AVEN: variants seen among roughly 807,000 people sequenced by gnomAD.
The protein encoded by AVEN is apoptosis and caspase activation inhibitor, also known as cell death regulator Aven.
In AVEN, 41 loss-of-function variants were observed where a neutral mutation model predicts 38.1. The observed-to-expected ratio is 1.08, with a 90% CI of 0.84 to 1.40. AVEN has a LOEUF of 1.40. AVEN is among the 40% of genes most tolerant of loss of function. The pLI, the probability that AVEN is intolerant of heterozygous loss-of-function variation, is 0.00. For missense variants in AVEN, 605 were observed against 438.8 expected, an observed-to-expected ratio of 1.38 and a Z score of -3.38; for synonymous variants, 206 against 171.8, an observed-to-expected ratio of 1.20 and a Z score of -1.56.
chr15:34,060,581 T>C (rs1052048637), intron 5 of AVEN, among the ~76,000 whole-genome samples: 3 of 152,172 alleles, frequency 2.0e-5, no homozygotes, highest in East Asian at 3.9e-4. Flanking sequence ...TTAAGGGTCA[T>C]CAAAAAGATT....
chr15:33,907,859 A>G (rs952027104), intron 2 of AVEN, among the ~76,000 whole-genome samples: 2 of 152,134 alleles, frequency 1.3e-5, no homozygotes, highest in Non-Finnish European at 2.9e-5. Flanking sequence ...GAAGAAAAAA[A>G]TGGGTGAAAT....
intron 2 of AVEN, among the ~76,000 whole-genome samples, chr15:33,911,016 G>C (rs997391376): frequency 1.3e-5 from 2 of 152,170 alleles, no homozygotes; most frequent in Admixed American, 6.5e-5. Flanking sequence ...ATTGGGTTGG[G>C]AGAGAAGCTA....
chr15:33,934,982 T>C (rs1204019943), intron 2 of AVEN, among the ~76,000 whole-genome samples: 1 of 152,198 alleles, frequency 6.6e-6, no homozygotes, highest in Non-Finnish European at 1.5e-5. Context: ...TTATTTACTT[T>C]GAAAATCTTC....
At chr15:33,864,615 G>C (rs757417911), downstream of AVEN, 1 of 175,682 alleles carries the variant, frequency 5.7e-6, no homozygotes, top group Non-Finnish European at 1.2e-5. Context: ...TGAGTGAAAG[G>C]ATGTGTCAAA....
chr15:34,040,039 A>G (rs1356931996), upstream of AVEN, among the ~76,000 whole-genome samples: 48 of 152,238 alleles, frequency 3.2e-4, no homozygotes, highest in Admixed American at 3.1e-3. Flanking sequence ...GCCTAGCAGA[A>G]TAAGTGTTTT....
chr15:33,939,821 TAGA>T (rs1325125358), intron 2 of AVEN, among the ~76,000 whole-genome samples: 1 of 152,176 alleles, frequency 6.6e-6, no homozygotes, highest in Non-Finnish European at 1.5e-5. Flanking sequence ...TAGTTAGGAT[TAGA>T]AGAAGTCATG....
intron 2 of AVEN, chr15:33,991,478 T>C (rs932492871): frequency 3.1e-4 from 47 of 150,610 alleles, no homozygotes; most frequent in African/African-American, 1.1e-3. Context: ...AATATATATA[T>C]CTACTACGGA....
intron 2 of AVEN, 64 bp from the exon 3 acceptor site, chr15:33,876,059 T>A: frequency 6.7e-7 from 1 of 1,488,030 alleles, no homozygotes; most frequent in East Asian, 2.3e-5. Flanking sequence ...TTCTCTAAAT[T>A]TCCCTGCTAG....
At chr15:34,016,195 T>A (rs1034330696) in intron 1 of AVEN, among the ~76,000 whole-genome samples, 1 of 152,066 alleles carries the variant, frequency 6.6e-6, no homozygotes, top group African/African-American at 2.4e-5. Flanking sequence ...GATCGTGCCA[T>A]TGCACTCCAG....
intron 1 of AVEN, among the ~76,000 whole-genome samples, chr15:34,012,393 G>A (rs1897675396): frequency 6.6e-6 from 1 of 152,080 alleles, no homozygotes; most frequent in Admixed American, 6.6e-5. Context: ...TAAATACCCT[G>A]AGCATTTCTG....
At chr15:34,058,523 C>T (rs1271758612) in intron 5 of AVEN, among the ~76,000 whole-genome samples, 1 of 149,516 alleles carries the variant, frequency 6.7e-6, no homozygotes, top group Non-Finnish European at 1.5e-5. Flanking sequence ...CTTCAATCAG[C>T]ATAATAAGGA....
At chr15:33,980,159 C>T (rs932536853) in intron 2 of AVEN, among the ~76,000 whole-genome samples, 9 of 152,042 alleles carry the variant, frequency 5.9e-5, no homozygotes, top group African/African-American at 1.9e-4. Flanking sequence ...TACAAGGAAC[C>T]TAAACATGTA....
At chr15:34,056,497 C>T (rs1263060400) in intron 5 of AVEN, among the ~76,000 whole-genome samples, 1 of 152,218 alleles carries the variant, frequency 6.6e-6, no homozygotes, top group Non-Finnish European at 1.5e-5. Flanking sequence ...TGCAGAACCT[C>T]CCAGCTTTCA....
At chr15:33,866,812 A>ACAACAAGG in intron 5 of AVEN, 84 bp from the exon 6 acceptor site, 1 of 940,168 alleles carries the variant, frequency 1.1e-6, no homozygotes, top group South Asian at 1.5e-5. Context: ...TACTTTCCTT[A>ACAACAAGG]CAACAAGGGG....
chr15:34,028,894 G>A (rs1898626682), intron 1 of AVEN, among the ~76,000 whole-genome samples: 1 of 151,208 alleles, frequency 6.6e-6, no homozygotes, highest in Non-Finnish European at 1.5e-5. Context: ...ACACACAGAT[G>A]CCAGAAAAAA....
intron 3 of AVEN, among the ~76,000 whole-genome samples, chr15:33,872,499 T>G (rs986591308): frequency 1.1e-4 from 17 of 152,114 alleles, no homozygotes; most frequent in Admixed American, 2.6e-4. Context: ...GGCAGCTTTT[T>G]AAGATACAGG....
chr15:33,883,568 C>T (rs1191558334), intron 2 of AVEN: 1 of 151,698 alleles, frequency 6.6e-6, no homozygotes, highest in Non-Finnish European at 1.5e-5. Flanking sequence ...ATGAATGATA[C>T]ATATATAGAT....
At chr15:33,942,263 T>C (rs1894345165) in intron 2 of AVEN, among the ~76,000 whole-genome samples, 1 of 152,198 alleles carries the variant, frequency 6.6e-6, no homozygotes, top group Non-Finnish European at 1.5e-5. Context: ...TATATATTAA[T>C]GCCCACTCCT....
chr15:33,855,156 C>G (rs906066600), downstream of AVEN, among the ~76,000 whole-genome samples: 3 of 151,862 alleles, frequency 2.0e-5, no homozygotes, highest in African/African-American at 7.3e-5. Context: ...TTTAGATCAA[C>G]CAGGAGAGGG....
Sources: allele counts gnomAD v4.1 joint callset (sites outside exome capture counted in the v4.1 genomes callset), GRCh38; gene constraint gnomAD v4.1.1; transcripts MANE v1.5; gene names NCBI Gene and HGNC (gene_info 2026-07-23, HGNC 2026-07-21).